NRXN1: variants seen among roughly 807,000 people sequenced by gnomAD.
The protein encoded by NRXN1 is neurexin 1.
A neutral mutation model predicts 150.9 loss-of-function variants in NRXN1; 39 were observed. That is an observed-to-expected ratio of 0.26 (90% CI 0.20 to 0.34). The LOEUF (loss-of-function observed/expected upper bound fraction) is 0.34, where lower values mean the gene tolerates loss of function less well. Ranked by LOEUF, NRXN1 falls within the 10% of genes least tolerant of loss-of-function variation. The pLI, the probability that NRXN1 is intolerant of heterozygous loss-of-function variation, is 1.00. For synonymous variants in NRXN1, 924 were observed against 757.0 expected (o/e 1.22, Z -3.62); for missense variants, 1,815 against 1,949.9 (o/e 0.93, Z 1.30).
chr2:50,785,995 A>G lies in NRXN1; in HGVS notation c.832+135874T>C, dbSNP rs1409277284. Among the ~76,000 whole-genome samples, 5 of 151,970 alleles carry G rather than the reference A, an allele frequency of 3.3e-5. No individual in the cohort carries two copies. The Admixed American group carries it at 3.3e-4, about 10-fold the overall frequency. Reference sequence around the variant, plus strand: ...CACGCCCCCACCCTCCTCTGGCATCAACTGGAATAGGCCTTTTCACTTGCA... The same window carrying G: ...CACGCCCCCACCCTCCTCTGGCATCGACTGGAATAGGCCTTTTCACTTGCA... On this transcript the variant is annotated intron_variant, in intron 5 of 22. Coordinates refer to ENST00000401669, the MANE Select transcript of NRXN1 (RefSeq NM_001330078.2).
At chr2:50,822,315 G>GTAATTTAA (rs1476941609) in intron 5 of NRXN1, among the ~76,000 whole-genome samples, 2 of 152,032 alleles carry the variant, frequency 1.3e-5, no homozygotes, top group Non-Finnish European at 2.9e-5. Flanking sequence ...ACGTTTCAAA[G>GTAATTTAA]TAAGAAGTCA....
chr2:50,754,982 T>C (rs555718177), intron 5 of NRXN1, among the ~76,000 whole-genome samples: 40 of 151,962 alleles, frequency 2.6e-4, no homozygotes, highest in Non-Finnish European at 1.2e-4. Context: ...CTTGCACCAG[T>C]TAATGTTCAC....
At chr2:51,004,426 A>G (rs1234102680) in intron 2 of NRXN1, among the ~76,000 whole-genome samples, 1 of 152,018 alleles carries the variant, frequency 6.6e-6, no homozygotes, top group African/African-American at 2.4e-5. Context: ...GCCTAGCTGA[A>G]ATTTTATTAC....
chr2:50,952,027 C>T (rs1200398463), intron 2 of NRXN1, among the ~76,000 whole-genome samples: 1 of 126,414 alleles, frequency 7.9e-6, no homozygotes, highest in Non-Finnish European at 1.6e-5. Context: ...AGTGCAGTGG[C>T]GGGATCTCGG....
intron 15 of NRXN1, among the ~76,000 whole-genome samples, chr2:50,473,412 A>T (rs1268459050): frequency 6.6e-6 from 1 of 151,980 alleles, no homozygotes; most frequent in Non-Finnish European, 1.5e-5. Flanking sequence ...TTTCTATTTC[A>T]GATTATTTAC....
chr2:50,564,291 T>C (rs1210733388), intron 8 of NRXN1, among the ~76,000 whole-genome samples: 1 of 152,206 alleles, frequency 6.6e-6, no homozygotes, highest in Non-Finnish European at 1.5e-5. Context: ...ATTATGATCT[T>C]AACTGTGTAA....
At chr2:50,050,485 G>C (rs1481670171) in intron 21 of NRXN1, among the ~76,000 whole-genome samples, 1 of 152,006 alleles carries the variant, frequency 6.6e-6, no homozygotes, top group Non-Finnish European at 1.5e-5. Flanking sequence ...AAACAGTCCA[G>C]TGTGGCTTTT....
At chr2:50,464,635 T>C (rs941734429) in intron 17 of NRXN1, among the ~76,000 whole-genome samples, 7 of 151,962 alleles carry the variant, frequency 4.6e-5, no homozygotes. Flanking sequence ...TGACAACATA[T>C]AGCACGTATT....
At chr2:50,376,042 T>TACACAC (rs1221953740) in intron 17 of NRXN1, among the ~76,000 whole-genome samples, 3 of 143,418 alleles carry the variant, frequency 2.1e-5, no homozygotes, top group African/African-American at 8.4e-5. Flanking sequence ...AATACATATA[T>TACACAC]ATATACACAC....
chr2:50,179,176 T>A (rs1389252319), intron 18 of NRXN1, among the ~76,000 whole-genome samples: 1 of 152,104 alleles, frequency 6.6e-6, no homozygotes, highest in Non-Finnish European at 1.5e-5. Context: ...CAAGCAGCTA[T>A]TTGCACAAAA....
intron 17 of NRXN1, among the ~76,000 whole-genome samples, chr2:50,262,667 T>C (rs1310367296): frequency 1.3e-5 from 2 of 151,990 alleles, no homozygotes; most frequent in Non-Finnish European, 2.9e-5. Context: ...AGGGATTCAT[T>C]ACCCTATTCT....
At chr2:50,752,135 T>A (rs1700659864) in intron 5 of NRXN1, among the ~76,000 whole-genome samples, 1 of 151,970 alleles carries the variant, frequency 6.6e-6, no homozygotes, top group African/African-American at 2.4e-5. Context: ...TCCAATTGAA[T>A]GATTTTACAA....
At chr2:50,249,933 T>C (rs912021843) in intron 17 of NRXN1, among the ~76,000 whole-genome samples, 1 of 152,136 alleles carries the variant, frequency 6.6e-6, no homozygotes, top group African/African-American at 2.4e-5. Context: ...CCACCGTGCC[T>C]GGCCCAGATT....
chr2:50,617,305 C>T (rs901739040), intron 8 of NRXN1, among the ~76,000 whole-genome samples: 1 of 151,946 alleles, frequency 6.6e-6, no homozygotes, highest in African/African-American at 2.4e-5. Flanking sequence ...TGTGGTGGTG[C>T]ATGCCTGTAG....
chr2:50,341,941 G>GA (rs2077576068), intron 17 of NRXN1, among the ~76,000 whole-genome samples: 1 of 151,998 alleles, frequency 6.6e-6, no homozygotes, highest in African/African-American at 2.4e-5. Context: ...TATTTTTAAG[G>GA]AAAAAATTGA....
chr2:50,661,793 A>G (rs547782400), intron 5 of NRXN1, among the ~76,000 whole-genome samples: 1 of 152,160 alleles, frequency 6.6e-6, no homozygotes, highest in Non-Finnish European at 1.5e-5. Flanking sequence ...TATCCTGGAT[A>G]CTTTTATATT....
intron 17 of NRXN1, among the ~76,000 whole-genome samples, chr2:50,428,802 C>A (rs560073065): frequency 4.6e-4 from 70 of 151,976 alleles, no homozygotes; most frequent in Non-Finnish European, 8.2e-4. Context: ...TTAATGTGCA[C>A]AAAAATCCAA....
At chr2:50,964,979 T>C (rs1693821624) in intron 2 of NRXN1, among the ~76,000 whole-genome samples, 1 of 151,350 alleles carries the variant, frequency 6.6e-6, no homozygotes, top group Non-Finnish European at 1.5e-5. Flanking sequence ...AAACATATAA[T>C]TTCCAGTTTT....
intron 5 of NRXN1, among the ~76,000 whole-genome samples, chr2:50,776,635 T>G (rs571648662): frequency 6.5e-5 from 9 of 138,476 alleles, no homozygotes; most frequent in South Asian, 2.2e-4. Context: ...TATAGTGAGA[T>G]ATATATATAT....
Sources: allele counts gnomAD v4.1 joint callset (sites outside exome capture counted in the v4.1 genomes callset), GRCh38; gene constraint gnomAD v4.1.1; transcripts MANE v1.5; gene names NCBI Gene and HGNC (gene_info 2026-07-23, HGNC 2026-07-21).